CCDC146: variants seen among roughly 807,000 people sequenced by gnomAD.
The protein encoded by CCDC146 is coiled-coil domain-containing protein 146.
A neutral mutation model predicts 119.3 loss-of-function variants in CCDC146; 92 were observed. The ratio of observed to expected loss-of-function variants is 0.77; its 90% CI spans 0.65 to 0.92. The LOEUF (loss-of-function observed/expected upper bound fraction) is 0.92. Among genes scored for constraint, CCDC146 ranks in the 40% least tolerant of loss-of-function variants. CCDC146 has a pLI of 0.00. For synonymous variants in CCDC146, 372 were observed against 371.8 expected (o/e 1.00, Z -0.01); for missense variants, 1,000 against 1,103.0 (o/e 0.91, Z 1.32).
intron 17 of CCDC146, 62 bp downstream of exon 17, chr7:77,287,639 A>C (rs1793873048): frequency 6.5e-7 from 1 of 1,543,038 alleles, no homozygotes; most frequent in African/African-American, 1.4e-5. Context: ...TTTATTTTCC[A>C]CAGACCGACA....
At chr7:77,161,202 G>C (rs1457645933) in intron 1 of CCDC146, among the ~76,000 whole-genome samples, 2 of 152,146 alleles carry the variant, frequency 1.3e-5, no homozygotes, top group African/African-American at 4.8e-5. Context: ...CTGTAAACTA[G>C]TTCAACCATT....
At chr7:77,274,967 T>C (rs1488605226) in intron 11 of CCDC146, among the ~76,000 whole-genome samples, 2 of 149,772 alleles carry the variant, frequency 1.3e-5, no homozygotes, top group African/African-American at 4.9e-5. Flanking sequence ...ACATGGCACA[T>C]GTATACATAC....
At chr7:77,262,482 C>T (rs749116337) in intron 9 of CCDC146, among the ~76,000 whole-genome samples, 175 bp downstream of exon 9, 17 of 152,206 alleles carry the variant, frequency 1.1e-4, no homozygotes, top group East Asian at 3.8e-4. Flanking sequence ...TATAATGTTT[C>T]GTAATCTCAT....
intron 2 of CCDC146, among the ~76,000 whole-genome samples, chr7:77,192,173 A>G (rs1367610561): frequency 3.9e-5 from 6 of 152,102 alleles, no homozygotes; most frequent in African/African-American, 1.4e-4. Flanking sequence ...TCGGCCTCCC[A>G]AAGTGCTGGG....
intron 1 of CCDC146, among the ~76,000 whole-genome samples, chr7:77,151,392 A>G (rs10244906): frequency 0.037 from 5,650 of 152,056 alleles, 347 homozygotes; most frequent in African/African-American, 0.13. Flanking sequence ...GGGGATGGGA[A>G]TGGGAGGGGA....
intron 1 of CCDC146, among the ~76,000 whole-genome samples, chr7:77,143,189 G>A (rs1443175928): frequency 6.6e-6 from 1 of 151,800 alleles, no homozygotes; most frequent in Non-Finnish European, 1.5e-5. Flanking sequence ...TTTTTCATGT[G>A]TCTGTTGGCT....
In CCDC146 at chr7:77,229,865, T is replaced by G. The variant is rs76421450; in HGVS notation, c.157-7082T>G. On this transcript the variant is annotated intron_variant, in intron 2 of 18. Transcript: ENST00000285871. ...AGTGTTTTTAATGGCTTTTAGTATATATACAGAGTTGTATAATCATGGCAT... is the reference window on the plus strand; with the variant it reads ...AGTGTTTTTAATGGCTTTTAGTATAGATACAGAGTTGTATAATCATGGCAT... 5.9e-3 allele frequency among the ~76,000 whole-genome samples: 902 copies of G among 152,264 alleles called. 2 individuals are homozygous for G. Among genetic ancestry groups the G allele is most frequent in the Non-Finnish European group, 8.4e-3 (571 of 68,022 alleles).
intron 1 of CCDC146, among the ~76,000 whole-genome samples, chr7:77,159,869 C>T: frequency 6.6e-6 from 1 of 152,100 alleles, no homozygotes; most frequent in East Asian, 1.9e-4. Context: ...ATGGTAATGC[C>T]TAGGTTTTCT....
chr7:77,139,922 CAG>C (rs1307273814), intron 1 of CCDC146, among the ~76,000 whole-genome samples: 2 of 148,480 alleles, frequency 1.3e-5, no homozygotes, highest in Non-Finnish European at 3.0e-5. Flanking sequence ...TTTTTTGAGA[CAG>C]AGTCTTGCTT....
At chr7:77,162,831 G>A (rs4727313) in intron 1 of CCDC146, among the ~76,000 whole-genome samples, 21,668 of 151,698 alleles carry the variant, frequency 0.14, 2,048 homozygotes, top group East Asian at 0.26. Context: ...ATAGTTTCCA[G>A]TGTACAGATC....
intron 1 of CCDC146, among the ~76,000 whole-genome samples, chr7:77,135,462 A>G (rs1318352719): frequency 6.6e-6 from 1 of 152,160 alleles, no homozygotes; most frequent in Non-Finnish European, 1.5e-5. Context: ...AAAAAAAGAG[A>G]GAGAAAGAAA....
chr7:77,196,991 G>A lies in CCDC146; in HGVS notation c.156+29167G>A. ...TTTATATATTAGATGTTGAACTGAA[G>A]GGGAAATAAAAGGAAGGCATTGGAT... On this transcript the variant is annotated intron_variant, in intron 2 of 18. Transcript: ENST00000285871. This position sits in a 1 kb window ranked among gnomAD's most constrained non-coding sequence, Gnocchi z 4.2. The A allele has an allele frequency of 6.5e-7, 1 of 1,547,976 alleles. No individual in the cohort carries two copies. Among genetic ancestry groups the A allele is most frequent in the Non-Finnish European group, 8.8e-7 (1 of 1,132,568 alleles).
chr7:77,266,543 T>G lies in CCDC146; in HGVS notation c.1173+4236T>G, dbSNP rs778441571. 1.3e-4 allele frequency among the ~76,000 whole-genome samples: 20 copies of G among 152,206 alleles called. 1 individual carries two copies. The highest frequency in any genetic ancestry group is 4.8e-5 in the African/African-American group (2 of 41,440). ...AGAAGATACTCAGTAAATATTGCCTTCCTTCCTTTATACATATGAACTCTT... is the reference window on the plus strand; with the variant it reads ...AGAAGATACTCAGTAAATATTGCCTGCCTTCCTTTATACATATGAACTCTT... On this transcript the variant is annotated intron_variant, in intron 9 of 18. Transcript: ENST00000285871.
At position 77,280,578 on chromosome 7, in the gene CCDC146, C is replaced by T. The variant is rs199901563; in HGVS notation, c.1844C>T (p.Thr615Met). The T allele has an allele frequency of 6.2e-7, 1 of 1,614,024 alleles. No individual in the cohort carries two copies. The highest frequency in any genetic ancestry group is 8.5e-7 in the Non-Finnish European group (1 of 1,179,986). Residue 615 changes from threonine to methionine, a missense_variant, in exon 14 of 19, where the codon ACG (threonine) becomes ATG (methionine). Around this residue, in one of 2 missense-constraint regions of CCDC146, gnomAD observed 985 missense variants for 1,045.3 expected, o/e 0.94. Transcript: ENST00000285871. ...AATAACATTGACAGACTTGCCAACACGATCACAATGATCGAAGAGGAGATG... is the reference window on the plus strand; with the variant it reads ...AATAACATTGACAGACTTGCCAACATGATCACAATGATCGAAGAGGAGATG... Reference protein sequence around the residue: ...QLNNIDRLANTITMIEEEMVQ... With the variant: ...QLNNIDRLANMITMIEEEMVQ...
chr7:77,252,156 A>G (rs897164683), intron 4 of CCDC146, among the ~76,000 whole-genome samples: 1 of 152,200 alleles, frequency 6.6e-6, no homozygotes, highest in African/African-American at 2.4e-5. Flanking sequence ...CTCAAAAACA[A>G]ACAAACAAAA....
At chr7:77,207,328 A>G (rs1391497005) in intron 2 of CCDC146, among the ~76,000 whole-genome samples, 2 of 152,210 alleles carry the variant, frequency 1.3e-5, no homozygotes, top group Non-Finnish European at 2.9e-5. Context: ...CAGGGTGGAA[A>G]AAACGACTTC....
chr7:77,208,646 C>T (rs569611158), intron 2 of CCDC146, among the ~76,000 whole-genome samples: 1 of 152,320 alleles, frequency 6.6e-6, no homozygotes, highest in South Asian at 2.1e-4. Context: ...TTCTGTCCTT[C>T]ATTCTGTTTC....
At chr7:77,224,703 T>C (rs536851007) in intron 2 of CCDC146, among the ~76,000 whole-genome samples, 1 of 152,212 alleles carries the variant, frequency 6.6e-6, no homozygotes, top group South Asian at 2.1e-4. Flanking sequence ...TACCAGATAA[T>C]GAAGACCCTT....
intron 4 of CCDC146, among the ~76,000 whole-genome samples, chr7:77,251,299 G>A (rs1793055799): frequency 6.6e-6 from 1 of 152,100 alleles, no homozygotes; most frequent in African/African-American, 2.4e-5. Flanking sequence ...TGGGATTACA[G>A]GCATGAACCA....
Sources: gnomAD v4.1 joint callset for allele counts (sites outside exome capture counted in the v4.1 genomes callset) on GRCh38, gnomAD v4.1.1 for gene constraint, gnomAD v4.1.1 regional missense constraint, Gnocchi (gnomAD v3.1) non-coding constraint, MANE v1.5 for transcripts, NCBI Gene and HGNC (gene_info 2026-07-23, HGNC 2026-07-21) for gene names.